Variants in RCAN2 observed in about 807,000 individuals in gnomAD.
The protein encoded by RCAN2 is calcipressin-2.
RCAN2 carries 9 observed loss-of-function variants against 23.6 expected under a neutral mutation model. That is an observed-to-expected ratio of 0.38 (90% CI 0.23 to 0.67). The LOEUF is 0.67. RCAN2 is among the 30% of genes least tolerant of loss of function. The pLI, the probability that RCAN2 is intolerant of heterozygous loss-of-function variation, is 0.51. For missense variants in RCAN2, 273 were observed against 302.3 expected, an observed-to-expected ratio of 0.90 and a Z score of 0.72; for synonymous variants, 109 against 115.7, an observed-to-expected ratio of 0.94 and a Z score of 0.37.
chr6:46,449,478 T>A (rs1609190), intron 2 of RCAN2, among the ~76,000 whole-genome samples: 56,653 of 151,076 alleles, frequency 0.37, 12,923 homozygotes, highest in East Asian at 0.59. Context: ...AATAACATTT[T>A]TTCACAGAAA....
intron 1 of RCAN2, among the ~76,000 whole-genome samples, chr6:46,479,440 C>T (rs1768797035): frequency 6.6e-6 from 1 of 152,154 alleles, no homozygotes; most frequent in African/African-American, 2.4e-5. Flanking sequence ...TTCAAATGAA[C>T]ATTTACTTAA....
intron 2 of RCAN2, among the ~76,000 whole-genome samples, chr6:46,340,914 T>C (rs1345053600): frequency 1.3e-5 from 2 of 152,214 alleles, no homozygotes; most frequent in Non-Finnish European, 2.9e-5. Flanking sequence ...TTAATTTGAA[T>C]GTCTTAAATT....
At chr6:46,328,420 C>G (rs776390578) in intron 2 of RCAN2, among the ~76,000 whole-genome samples, 3 of 152,136 alleles carry the variant, frequency 2.0e-5, no homozygotes, top group Non-Finnish European at 4.4e-5. Context: ...GAGTTCTAGG[C>G]ATCAAGAGCA....
intron 2 of RCAN2, among the ~76,000 whole-genome samples, chr6:46,323,990 G>T (rs1763706906): frequency 6.6e-6 from 1 of 152,206 alleles, no homozygotes; most frequent in Non-Finnish European, 1.5e-5. Flanking sequence ...GAGCTGTGAA[G>T]TTTTATTCTC....
chr6:46,430,992 A>G (rs1437763201), intron 2 of RCAN2, among the ~76,000 whole-genome samples: 2 of 152,316 alleles, frequency 1.3e-5, no homozygotes, highest in South Asian at 2.1e-4. Context: ...GGTTGATGTA[A>G]ATAATTAATG....
At chr6:46,444,622 A>C (rs1290343933) in intron 2 of RCAN2, among the ~76,000 whole-genome samples, 1 of 152,000 alleles carries the variant, frequency 6.6e-6, no homozygotes, top group Non-Finnish European at 1.5e-5. Context: ...CTAGCACTCA[A>C]AGACACAGGT....
At chr6:46,486,186 T>A (rs1768984276) in intron 1 of RCAN2, among the ~76,000 whole-genome samples, 1 of 152,186 alleles carries the variant, frequency 6.6e-6, no homozygotes. Flanking sequence ...ATAAGAAAAC[T>A]GCAACTCAGA....
intron 2 of RCAN2, among the ~76,000 whole-genome samples, chr6:46,346,017 G>A (rs1764471953): frequency 6.6e-6 from 1 of 152,076 alleles, no homozygotes. Context: ...TTTTACTTGT[G>A]TAAAGATGGT....
chr6:46,467,884 C>T (rs1768440635), intron 1 of RCAN2, among the ~76,000 whole-genome samples: 1 of 152,220 alleles, frequency 6.6e-6, no homozygotes, highest in African/African-American at 2.4e-5. Flanking sequence ...CAGACTCAGA[C>T]TGAAATCCCA....
chr6:46,375,171 C>T (rs1460608844), intron 2 of RCAN2, among the ~76,000 whole-genome samples: 2 of 152,188 alleles, frequency 1.3e-5, no homozygotes, highest in East Asian at 3.8e-4. Context: ...TCTTGAACTC[C>T]TCACCTCAAG....
At chr6:46,461,225 G>A (rs1461882710) in intron 1 of RCAN2, among the ~76,000 whole-genome samples, 3 of 151,932 alleles carry the variant, frequency 2.0e-5, no homozygotes, top group Admixed American at 6.6e-5. Flanking sequence ...TTAGTATACC[G>A]CTCCTGTCCT....
intron 2 of RCAN2, among the ~76,000 whole-genome samples, chr6:46,453,866 T>C (rs1388969722): frequency 6.6e-6 from 1 of 152,180 alleles, no homozygotes; most frequent in Admixed American, 6.5e-5. Flanking sequence ...AAGCAGGCTG[T>C]GCCAAAAAAG....
At chr6:46,455,703 A>C (rs1767999885) in intron 2 of RCAN2, among the ~76,000 whole-genome samples, 1 of 151,904 alleles carries the variant, frequency 6.6e-6, no homozygotes, top group Admixed American at 6.6e-5. Context: ...AAAAATACAA[A>C]AAATTAGCTG....
chr6:46,483,866 A>G (rs1046811842), intron 1 of RCAN2, among the ~76,000 whole-genome samples: 33 of 152,340 alleles, frequency 2.2e-4, no homozygotes, highest in Non-Finnish European at 2.9e-4. Context: ...ACGAATTATT[A>G]GTTTTCACTT....
intron 2 of RCAN2, among the ~76,000 whole-genome samples, chr6:46,296,377 G>A (rs78671925): frequency 0.027 from 4,049 of 151,966 alleles, 169 homozygotes; most frequent in African/African-American, 0.089. Flanking sequence ...ACCTTCCCTG[G>A]TGACATATTT....
At chr6:46,395,676 G>A (rs4629674) in intron 2 of RCAN2, among the ~76,000 whole-genome samples, 7,513 of 152,254 alleles carry the variant, frequency 0.049, 619 homozygotes, top group African/African-American at 0.17. Flanking sequence ...AAGGCTTAAC[G>A]TTAAGGCTAA....
intron 2 of RCAN2, among the ~76,000 whole-genome samples, chr6:46,353,619 C>A (rs966987828): frequency 6.6e-6 from 1 of 152,092 alleles, no homozygotes; most frequent in South Asian, 2.1e-4. Flanking sequence ...CAGTTAATAC[C>A]GGAGAGTAGA....
At chr6:46,378,321 G>T (rs988853891) in intron 2 of RCAN2, among the ~76,000 whole-genome samples, 1 of 152,116 alleles carries the variant, frequency 6.6e-6, no homozygotes, top group Non-Finnish European at 1.5e-5. Context: ...TGAGTAAAAT[G>T]TTACTCAACT....
At chr6:46,405,380 G>A (rs1243514435) in intron 2 of RCAN2, among the ~76,000 whole-genome samples, 1 of 152,182 alleles carries the variant, frequency 6.6e-6, no homozygotes, top group Non-Finnish European at 1.5e-5. Flanking sequence ...TGGGCAGCCT[G>A]CTTTTATTCT....
Sources: allele counts gnomAD v4.1 joint callset (sites outside exome capture counted in the v4.1 genomes callset), GRCh38; gene constraint gnomAD v4.1.1; transcripts MANE v1.5; gene names NCBI Gene and HGNC (gene_info 2026-07-23, HGNC 2026-07-21).